CSMD3: variants seen among roughly 807,000 people sequenced by gnomAD.
CSMD3 encodes the protein CUB and sushi domain-containing protein 3.
CSMD3 carries 177 observed loss-of-function variants against 435.2 expected under a neutral mutation model. That is an observed-to-expected ratio of 0.41 (90% CI 0.36 to 0.46). CSMD3 has a LOEUF of 0.46. CSMD3 is among the 20% of genes least tolerant of loss of function. The pLI, the probability that CSMD3 is intolerant of heterozygous loss-of-function variation, is 0.34. For missense variants in CSMD3, 4,265 were observed against 4,504.6 expected (o/e 0.95, Z 1.52); for synonymous variants, 1,656 against 1,520.5 (o/e 1.09, Z -2.07).
At chr8:112,445,399 G>A (rs1032133139) in intron 32 of CSMD3, among the ~76,000 whole-genome samples, 6 of 152,112 alleles carry the variant, frequency 3.9e-5, no homozygotes, top group African/African-American at 7.2e-5. Flanking sequence ...CAGGATACAT[G>A]GCGCTGGCAT....
chr8:112,881,998 A>G (rs942559153), intron 10 of CSMD3, among the ~76,000 whole-genome samples: 1 of 151,904 alleles, frequency 6.6e-6, no homozygotes, highest in Non-Finnish European at 1.5e-5. Context: ...AATTGAGTTT[A>G]TTTTACTCAT....
At chr8:112,948,620 A>C (rs2083695757) in intron 8 of CSMD3, among the ~76,000 whole-genome samples, 2 of 152,060 alleles carry the variant, frequency 1.3e-5, no homozygotes, top group Admixed American at 1.3e-4. Flanking sequence ...ATAGTACTGA[A>C]ATATCTGAGT....
chr8:112,258,908 G>C (rs1378101685), intron 61 of CSMD3, among the ~76,000 whole-genome samples: 1 of 151,986 alleles, frequency 6.6e-6, no homozygotes, highest in African/African-American at 2.4e-5. Flanking sequence ...GTGTGGTGGC[G>C]GGTGCCTGTA....
chr8:112,733,950 T>C (rs896270357), intron 13 of CSMD3, among the ~76,000 whole-genome samples: 1 of 151,974 alleles, frequency 6.6e-6, no homozygotes, highest in Non-Finnish European at 1.5e-5. Flanking sequence ...AGAAAATGTA[T>C]GCAGTCTGGA....
At chr8:113,239,385 T>C (rs2093186337) in intron 3 of CSMD3, among the ~76,000 whole-genome samples, 1 of 152,108 alleles carries the variant, frequency 6.6e-6, no homozygotes, top group Non-Finnish European at 1.5e-5. Context: ...TATTTGGTAC[T>C]GAGGATGAAG....
chr8:112,437,121 A>G (rs539395916), intron 32 of CSMD3, among the ~76,000 whole-genome samples: 1 of 152,146 alleles, frequency 6.6e-6, no homozygotes, highest in African/African-American at 2.4e-5. Flanking sequence ...ACCAAAAGGG[A>G]TATGAAGAGA....
chr8:112,672,813 C>T (rs1033633684), intron 16 of CSMD3, among the ~76,000 whole-genome samples: 3 of 151,996 alleles, frequency 2.0e-5, no homozygotes, highest in African/African-American at 7.2e-5. Flanking sequence ...TTTTGTCTTA[C>T]TTTAAGAAGA....
intron 1 of CSMD3, among the ~76,000 whole-genome samples, chr8:113,344,159 A>AT (rs1280989073): frequency 3.3e-5 from 5 of 151,602 alleles, no homozygotes; most frequent in East Asian, 1.9e-4. Context: ...TTGAAATTTA[A>AT]TTTTTTTTTA....
At chr8:112,755,349 T>C (rs78526074) in intron 13 of CSMD3, among the ~76,000 whole-genome samples, 11 of 146,622 alleles carry the variant, frequency 7.5e-5, no homozygotes, top group East Asian at 2.0e-4. Flanking sequence ...ATAATAATAA[T>C]AATAATAATA....
At chr8:112,749,058 T>C (rs2077506537) in intron 13 of CSMD3, among the ~76,000 whole-genome samples, 1 of 152,200 alleles carries the variant, frequency 6.6e-6, no homozygotes, top group East Asian at 1.9e-4. Context: ...TACTATCTCA[T>C]TGCAGTTTTG....
chr8:113,065,922 T>C (rs976376855), intron 5 of CSMD3, among the ~76,000 whole-genome samples: 6 of 151,938 alleles, frequency 3.9e-5, no homozygotes, highest in African/African-American at 1.4e-4. Flanking sequence ...ACAAATACAT[T>C]ACAGTTATAT....
At chr8:112,818,371 G>T (rs1245511665) in intron 12 of CSMD3, among the ~76,000 whole-genome samples, 3 of 151,854 alleles carry the variant, frequency 2.0e-5, no homozygotes, top group Non-Finnish European at 4.4e-5. Context: ...TCTTCTTTTG[G>T]CTATGTGTTC....
intron 32 of CSMD3, among the ~76,000 whole-genome samples, chr8:112,409,562 TAA>T (rs897138938): frequency 1.3e-5 from 2 of 152,030 alleles, no homozygotes; most frequent in African/African-American, 4.8e-5. Context: ...ATTTATATTC[TAA>T]GTTTTAAATG....
At chr8:112,346,830 C>T (rs545972489) in intron 40 of CSMD3, among the ~76,000 whole-genome samples, 1 of 151,934 alleles carries the variant, frequency 6.6e-6, no homozygotes, top group African/African-American at 2.4e-5. Context: ...AGGCGCCTGC[C>T]ACCACGCCCG....
chr8:113,043,534 G>A (rs559656198), intron 5 of CSMD3, among the ~76,000 whole-genome samples: 17 of 152,246 alleles, frequency 1.1e-4, no homozygotes, highest in African/African-American at 4.1e-4. Context: ...AAAATTTAGA[G>A]TAGAAAATTA....
At chr8:112,249,064 T>C (rs992486811) in intron 63 of CSMD3, among the ~76,000 whole-genome samples, 2 of 152,104 alleles carry the variant, frequency 1.3e-5, no homozygotes, top group African/African-American at 2.4e-5. Context: ...TTATGTTATA[T>C]ACAGTTTGCA....
chr8:113,231,817 G>C (rs556154372), intron 3 of CSMD3, among the ~76,000 whole-genome samples: 1 of 151,334 alleles, frequency 6.6e-6, no homozygotes, highest in Non-Finnish European at 1.5e-5. Flanking sequence ...AGAACAACTG[G>C]TATAACATGA....
At chr8:112,579,348 A>G (rs955993977) in intron 23 of CSMD3, among the ~76,000 whole-genome samples, 6 of 152,056 alleles carry the variant, frequency 3.9e-5, no homozygotes. Context: ...TCTACAGTGT[A>G]AATACTCCCA....
intron 6 of CSMD3, among the ~76,000 whole-genome samples, chr8:112,983,059 A>G (rs1262254107): frequency 6.6e-6 from 1 of 152,004 alleles, no homozygotes; most frequent in African/African-American, 2.4e-5. Flanking sequence ...TGCTTCTTCT[A>G]TCTCCCAATA....
Sources: gnomAD v4.1 joint callset for allele counts (sites outside exome capture counted in the v4.1 genomes callset) on GRCh38, gnomAD v4.1.1 for gene constraint, MANE v1.5 for transcripts, NCBI Gene and HGNC (gene_info 2026-07-23, HGNC 2026-07-21) for gene names.